The following ZNF865 variants were observed in gnomAD, a reference collection of about 807,000 sequenced individuals.
ZNF865 encodes zinc finger protein 865.
For synonymous variants in ZNF865, 763 were observed against 750.8 expected, an observed-to-expected ratio of 1.02 and a Z score of -0.27; for missense variants, 1,311 against 1,593.4, an observed-to-expected ratio of 0.82 and a Z score of 3.02.
In ZNF865 at chr19:55,614,562, G is replaced by A. The variant is rs1161045726; in HGVS notation, c.944G>A (p.Gly315Asp). ...GCCGCCCCCTCCACGGTGTCCTCGG[G>A]CCCTCCAGCCACGCCCGTGGCGCCT... is the stretch of plus-strand genomic sequence containing the variant. Reference protein sequence around the residue: ...TAAAPSTVSSGPPATPVAPAP... With the variant: ...TAAAPSTVSSDPPATPVAPAP... Residue 315 changes from glycine to aspartate, a missense_variant, in exon 2 of 2, where the codon GGC (glycine) becomes GAC (aspartate). By Grantham distance (94) the Gly-to-Asp change is moderately conservative. Transcript: ENST00000568956. The surrounding 1 kb of genome is among the most constrained non-coding windows in gnomAD (Gnocchi z 8.0). The A allele has an allele frequency of 5.4e-6, 8 of 1,485,550 alleles. No homozygotes were observed. In the African/African-American group the frequency reaches 1.0e-4, roughly 19 times the overall value. The allele number at this position is 1,485,550 out of a possible 1,614,324, so 92.0% of individuals were successfully genotyped here.
intron 1 of ZNF865, among the ~76,000 whole-genome samples, chr19:55,607,157 C>T (rs529698442): frequency 2.7e-4 from 41 of 152,280 alleles, no homozygotes; most frequent in African/African-American, 9.9e-4. Flanking sequence ...GAATGTTCTT[C>T]ATTCATTCAT....
intron 1 of ZNF865, among the ~76,000 whole-genome samples, chr19:55,606,452 C>T (rs547477902): frequency 3.3e-5 from 5 of 152,320 alleles, no homozygotes; most frequent in South Asian, 2.1e-4. Context: ...TAGCTCCAGG[C>T]TCCCATGACA....
intron 1 of ZNF865, among the ~76,000 whole-genome samples, chr19:55,606,406 A>T (rs1440216744): frequency 6.6e-6 from 1 of 152,126 alleles, no homozygotes; most frequent in African/African-American, 2.4e-5. Flanking sequence ...TCACACTCAC[A>T]TCCTCTCCCG....
chr19:55,606,557 C>G (rs530413910), intron 1 of ZNF865, among the ~76,000 whole-genome samples: 1 of 152,224 alleles, frequency 6.6e-6, no homozygotes, highest in African/African-American at 2.4e-5. Context: ...GGCGGTGAAG[C>G]CTTCCTTCCC....
Position 55,614,846 on chromosome 19 carries a change from G to T in ZNF865, c.1228G>T (p.Gly410Cys). Residue 410 changes from glycine (G) to cysteine (C), a missense_variant, in exon 2 of 2, where the codon GGC becomes TGC. Gly to Cys is a radical substitution (Grantham distance 159). Coordinates refer to ENST00000568956, the MANE Select transcript of ZNF865 (RefSeq NM_001195605.2). The surrounding 1 kb of genome is among the most constrained non-coding windows in gnomAD (Gnocchi z 8.0). The stretch of plus-strand genomic sequence containing the variant: ...GGCCGACCTCCTGCGCCTGCCCTGC[G>T]GCATCTGCGGGAAGGCCTTCCGCGA... ...HSADLLRLPC[G>C]ICGKAFRDAS... The T allele has an allele frequency of 6.5e-7, 1 of 1,528,760 alleles. No homozygotes were observed. Among genetic ancestry groups the T allele is most frequent in the Non-Finnish European group, 8.7e-7 (1 of 1,142,962 alleles). 94.7% of individuals were successfully genotyped at this position (1,528,760 alleles called of 1,614,324 possible).
Position 55,614,190 on chromosome 19 carries a change from C to T in ZNF865, c.572C>T (p.Ser191Leu), listed in dbSNP as rs1600013331. 1.3e-6 allele frequency: 2 copies of T among 1,497,326 alleles called. No homozygotes were observed. The highest frequency in any genetic ancestry group is 2.9e-5 in the African/African-American group (2 of 69,176). The allele number at this position is 1,497,326 out of a possible 1,614,324, so 92.8% of individuals were successfully genotyped here. The change falls in exon 2 of 2, where the codon TCG becomes TTG. Residue 191 changes from serine to leucine, a missense_variant. Transcript: ENST00000568956. The surrounding 1 kb of genome is among the most constrained non-coding windows in gnomAD (Gnocchi z 8.0). ...AGAPGPLPAPSQTPPGPPAAA... is the reference protein window; with the variant it reads ...AGAPGPLPAPLQTPPGPPAAA... ...GCCCCAGGGCCGCTTCCTGCCCCCT[C>T]GCAGACCCCGCCAGGACCCCCCGCG...
At chr19:55,610,130 C>T (rs554099085) in intron 1 of ZNF865, among the ~76,000 whole-genome samples, 14 of 152,340 alleles carry the variant, frequency 9.2e-5, no homozygotes, top group Non-Finnish European at 1.8e-4. Flanking sequence ...TCGCTTTGTT[C>T]ATTCCACAAA....
intron 1 of ZNF865, among the ~76,000 whole-genome samples, chr19:55,605,950 C>A (rs1409102886): frequency 1.3e-5 from 2 of 152,226 alleles, no homozygotes; most frequent in African/African-American, 4.8e-5. Flanking sequence ...TGCCAAAGCG[C>A]TTTCATTCGT....
At position 55,614,935 on chromosome 19, in the gene ZNF865, C is replaced by A; in HGVS notation, c.1317C>A (p.Pro439=). 1 of 1,484,836 alleles carries A rather than the reference C, an allele frequency of 6.7e-7. No homozygotes were observed. Among genetic ancestry groups the A allele is most frequent in the African/African-American group, 1.4e-5 (1 of 70,514 alleles). 92.0% of individuals were successfully genotyped at this position (1,484,836 alleles called of 1,614,324 possible). Residue 439 remains proline, a synonymous_variant, in exon 2 of 2, where the codon CCC becomes CCA. Transcript: ENST00000568956. The surrounding 1 kb of genome is among the most constrained non-coding windows in gnomAD (Gnocchi z 8.0). ...GGGCGGGCGCCGGGGGGCCTCGGCC[C>A]GTGTACCCCTGCGACCTGTGCGGCA... ...HAGAGAGGPR[P]VYPCDLCGKS... is the part of the protein sequence containing the mutation.
At position 55,615,920 on chromosome 19, in the gene ZNF865, T is replaced by G; in HGVS notation, c.2302T>G (p.Ser768Ala). The change falls in exon 2 of 2, where the codon TCT (serine) becomes GCT (alanine). Residue 768 changes from serine (S) to alanine (A), a missense_variant. Physicochemically the swap from Ser to Ala is moderately conservative, Grantham distance 99 (BLOSUM62 1). Transcript: ENST00000568956. ...GAAVAALAGV[S>A]GGEDAGGAAV... ...GGCCGTGGCGGCACTGGCAGGGGTG[T>G]CTGGGGGTGAGGACGCAGGCGGGGC... 1 of 1,491,662 alleles carries G rather than the reference T, an allele frequency of 6.7e-7. No homozygotes were observed. Among genetic ancestry groups the G allele is most frequent in the East Asian group, 2.6e-5 (1 of 38,500 alleles). 92.4% of individuals were successfully genotyped at this position (1,491,662 alleles called of 1,614,324 possible).
rs1230934268 is a variant in ZNF865 at position 55,615,139 on chromosome 19, G to A, written c.1521G>A (p.Ala507=). The change falls in exon 2 of 2, where the codon GCG becomes GCA. Residue 507 remains alanine (A), a synonymous_variant. Coordinates refer to ENST00000568956, the MANE Select transcript of ZNF865 (RefSeq NM_001195605.2). The stretch of plus-strand genomic sequence containing the variant: ...CCACCACAGACAGCGAGAAGGCGGC[G>A]GCGGCCGCGGCGGCGGTGGTGTACG... ...DPPTTDSEKA[A]AAAAAVVYGA... 4 of 1,192,608 alleles carry A rather than the reference G, an allele frequency of 3.4e-6. No homozygotes were observed. The highest frequency in any genetic ancestry group is 5.7e-5 in the South Asian group (2 of 35,030). The allele number at this position is 1,192,608 out of a possible 1,614,324, so 73.9% of individuals were successfully genotyped here.
chr19:55,616,864 CAG>C lies in ZNF865; in HGVS notation c.*68_*69del, dbSNP rs1981380752. 1 of 1,390,740 alleles carries C rather than the reference CAG, an allele frequency of 7.2e-7. No individual in the cohort carries two copies. The highest frequency in any genetic ancestry group is 1.6e-5 in the South Asian group (1 of 63,866). The allele number at this position is 1,390,740 out of a possible 1,614,324, so 86.1% of individuals were successfully genotyped here. Reference sequence around the variant, plus strand: ...TGGACTCCCACCTCCCAGGACTGATCAGACTCTTCCCCCCTCCTCGCTGTTGC... The same window carrying C: ...TGGACTCCCACCTCCCAGGACTGATCACTCTTCCCCCCTCCTCGCTGTTGC... On this transcript the variant is annotated 3_prime_UTR_variant, in exon 2 of 2. Coordinates refer to ENST00000568956, the MANE Select transcript of ZNF865 (RefSeq NM_001195605.2).
At chr19:55,610,121 C>T (rs1981079805) in intron 1 of ZNF865, among the ~76,000 whole-genome samples, 2 of 152,196 alleles carry the variant, frequency 1.3e-5, no homozygotes, top group Admixed American at 6.5e-5. Flanking sequence ...TTAGTCTCAT[C>T]GCTTTGTTCA....
At chr19:55,610,237 T>A (rs1437236923) in intron 1 of ZNF865, among the ~76,000 whole-genome samples, 1 of 152,226 alleles carries the variant, frequency 6.6e-6, no homozygotes. Context: ...TTTTCATTAA[T>A]TGCTAAGCAG....
rs3852898 is a variant in ZNF865 at position 55,616,231 on chromosome 19, G to A, written c.2613G>A (p.Thr871=). 224,942 of 1,524,214 alleles carry A rather than the reference G, an allele frequency of 0.15. 17,809 individuals are homozygous for A. The highest frequency in any genetic ancestry group is 0.29 in the Admixed American group (14,230 of 49,634). The allele number at this position is 1,524,214 out of a possible 1,614,324, so 94.4% of individuals were successfully genotyped here. A position where few individuals can be genotyped will look rare whatever the true frequency, so the allele number is the denominator to read the frequency against. The change falls in exon 2 of 2, where the codon ACG becomes ACA. Residue 871 remains threonine (T), a synonymous_variant. Coordinates refer to ENST00000568956, the MANE Select transcript of ZNF865 (RefSeq NM_001195605.2). ...TGATGCGCCACCAGCGCTGCCACACGGAACAGCGGCCGTACCGATGTGGCG... is the reference window on the plus strand; with the variant it reads ...TGATGCGCCACCAGCGCTGCCACACAGAACAGCGGCCGTACCGATGTGGCG... The part of the protein sequence containing the change: ...ALLMRHQRCH[T]EQRPYRCGVC...
rs116927106 is a variant in ZNF865 at position 55,607,140 on chromosome 19, G to A, written c.-27+1408G>A. Among the ~76,000 whole-genome samples, 14 of 152,246 alleles carry A rather than the reference G, an allele frequency of 9.2e-5. No individual in the cohort carries two copies. In the East Asian group the frequency reaches 9.6e-4, roughly 10 times the overall value. ...TTATCTAGCCTTTGTCAGCTCTACC[G>A]AGCCCAGAATGTTCTTCATTCATTC... On this transcript the variant is annotated intron_variant, in intron 1 of 1. Coordinates refer to ENST00000568956, the MANE Select transcript of ZNF865 (RefSeq NM_001195605.2).
intron 1 of ZNF865, among the ~76,000 whole-genome samples, chr19:55,609,437 T>C (rs545854263): frequency 6.6e-6 from 1 of 152,308 alleles, no homozygotes; most frequent in East Asian, 1.9e-4. Flanking sequence ...CTCACACACA[T>C]CAGAGTTACA....
At position 55,613,581 on chromosome 19, in the gene ZNF865, T is replaced by G. The variant is rs773187295; in HGVS notation, c.-26-12T>G. 1.7e-3 allele frequency: 2,546 copies of G among 1,485,796 alleles called. 19 individuals carry two copies. Among genetic ancestry groups the G allele is most frequent in the Non-Finnish European group, 1.7e-3 (1,873 of 1,122,980 alleles). 92.0% of individuals were successfully genotyped at this position (1,485,796 alleles called of 1,614,324 possible). ...CGCGGCCGTGTCCTCAGCCCCGTCCTCCTCTTCACAGGGTCTCCCGTCTCC... is the reference window on the plus strand; with the variant it reads ...CGCGGCCGTGTCCTCAGCCCCGTCCGCCTCTTCACAGGGTCTCCCGTCTCC... On this transcript the variant is annotated splice_polypyrimidine_tract_variant and intron_variant, in intron 1 of 1. Coordinates refer to ENST00000568956, the MANE Select transcript of ZNF865 (RefSeq NM_001195605.2).
Position 55,615,295 on chromosome 19 carries a change from C to G in ZNF865, c.1677C>G (p.Phe559Leu). 6.5e-7 allele frequency: 1 copy of G among 1,526,844 alleles called. No homozygotes were observed. Among genetic ancestry groups the G allele is most frequent in the Non-Finnish European group, 8.7e-7 (1 of 1,143,504 alleles). The allele number at this position is 1,526,844 out of a possible 1,614,324, so 94.6% of individuals were successfully genotyped here. A position where few individuals can be genotyped will look rare whatever the true frequency, so the allele number is the denominator to read the frequency against. ...GCTGCGGCATCTGCGGGCGCGGCTT[C>G]GGGCGCCGCGAGACCCTGAAGCGCC... ...TFCCGICGRGFGRRETLKRHE... is the reference protein window; with the variant it reads ...TFCCGICGRGLGRRETLKRHE... The change falls in exon 2 of 2, where the codon TTC (phenylalanine) becomes TTG (leucine). Residue 559 changes from phenylalanine (F) to leucine (L), a missense_variant. By Grantham distance (22) the Phe-to-Leu change is conservative. Coordinates refer to ENST00000568956, the MANE Select transcript of ZNF865 (RefSeq NM_001195605.2).
Sources: allele counts gnomAD v4.1 joint callset (sites outside exome capture counted in the v4.1 genomes callset), GRCh38; gene constraint gnomAD v4.1.1; non-coding constraint Gnocchi (gnomAD v3.1); transcripts MANE v1.5; gene names NCBI Gene and HGNC (gene_info 2026-07-23, HGNC 2026-07-21).